Variants in MED1 observed in about 807,000 individuals in gnomAD.
The protein encoded by MED1 is mediator of RNA polymerase II transcription subunit 1.
A neutral mutation model predicts 121.3 loss-of-function variants in MED1; 17 were observed. That is an observed-to-expected ratio of 0.14 (90% CI 0.10 to 0.21). The LOEUF (loss-of-function observed/expected upper bound fraction) is 0.21, where lower values mean the gene tolerates loss of function less well. MED1 is among the 10% of genes least tolerant of loss of function. MED1 has a pLI of 1.00. For missense variants in MED1, 1,558 were observed against 1,919.4 expected, an observed-to-expected ratio of 0.81 and a Z score of 3.52; for synonymous variants, 661 against 694.4, an observed-to-expected ratio of 0.95 and a Z score of 0.76.
chr17:39,443,703 C>A, intron 2 of MED1, 75 bp from the exon 3 acceptor site: 1 of 1,191,558 alleles, frequency 8.4e-7, no homozygotes. Context: ...TACACATTAT[C>A]CTAGTAGTAA....
At chr17:39,424,528 T>G in intron 11 of MED1, 99 bp downstream of exon 11, 1 of 732,490 alleles carries the variant, frequency 1.4e-6, no homozygotes. Context: ...AAGGCCAACC[T>G]CTAGAAATTC....
chr17:39,410,026 G>A lies in MED1; in HGVS notation c.2195C>T (p.Thr732Met), dbSNP rs1181801639. The A allele has an allele frequency of 3.7e-6, 6 of 1,614,138 alleles. No homozygotes were observed. Among genetic ancestry groups the A allele is most frequent in the African/African-American group, 1.3e-5 (1 of 75,020 alleles). Residue 732 changes from threonine to methionine, a missense_variant, in exon 17 of 17, where the codon ACG (threonine) becomes ATG (methionine). Thr to Met is a moderately conservative substitution (Grantham distance 81). This residue lies in a region of MED1 where 793 missense variants were observed against 898.2 expected (regional missense o/e 0.88). Transcript: ENST00000300651. ...PIFDVNMTAD[T>M]LDTPHITPAP... Reference sequence around the variant, plus strand: ...TGGAGTGATGTGTGGCGTATCCAGCGTGTCAGCTGTCATGTTGACATCAAA... The same window carrying A: ...TGGAGTGATGTGTGGCGTATCCAGCATGTCAGCTGTCATGTTGACATCAAA...
rs1462770798 is a variant in MED1 at position 39,427,712 on chromosome 17, T to G, written c.728A>C (p.His243Pro). 1 of 1,594,094 alleles carries G rather than the reference T, an allele frequency of 6.3e-7. No individual in the cohort carries two copies. The highest frequency in any genetic ancestry group is 1.7e-5 in the Admixed American group (1 of 59,808). ...DDKTASPIIL[H>P]ENNVSRSLGM... ...AATTAAAGTCTTACCATTATTCTCA[T>G]GCAAAATGATGGGAGATGCAGTCTT... Residue 243 changes from histidine (H) to proline (P), a missense_variant, in exon 10 of 17, where the codon CAT (histidine) becomes CCT (proline). This residue lies in a region of MED1 where 443 missense variants were observed against 532.4 expected (regional missense o/e 0.83). Coordinates refer to ENST00000300651, the MANE Select transcript of MED1 (RefSeq NM_004774.4).
rs897331094 is a variant in MED1, at chr17:39,440,557, A to C, written c.267-39T>G. The stretch of plus-strand genomic sequence containing the variant: ...ATCAAAACAAAAATTAATAGAAGAC[A>C]CATAAATAAAGCCACCCAAAGTTAA... On this transcript the variant is annotated intron_variant, in intron 4 of 16. Coordinates refer to ENST00000300651, the MANE Select transcript of MED1 (RefSeq NM_004774.4). The surrounding 1 kb of genome is among the most constrained non-coding windows in gnomAD (Gnocchi z 4.1). The C allele has an allele frequency of 6.2e-7, 1 of 1,612,298 alleles. No individual in the cohort carries two copies.
chr17:39,429,406 C>A (rs1481007851), intron 9 of MED1, among the ~76,000 whole-genome samples: 1 of 150,968 alleles, frequency 6.6e-6, no homozygotes, highest in Non-Finnish European at 1.5e-5. Flanking sequence ...TAGAAATCAT[C>A]GCAAAAAGCC....
chr17:39,419,941 G>T, intron 13 of MED1, 23 bp from the exon 14 acceptor site: 1 of 1,604,408 alleles, frequency 6.2e-7, no homozygotes, highest in Non-Finnish European at 8.5e-7. Flanking sequence ...AACAGTTAAC[G>T]AGTGCTATTT....
intron 6 of MED1, among the ~76,000 whole-genome samples, chr17:39,436,360 C>T (rs1218620658): frequency 2.9e-5 from 2 of 68,346 alleles, no homozygotes; most frequent in Non-Finnish European, 5.6e-5. Context: ...GACTCCAACT[C>T]AAAAAAAAGA....
chr17:39,408,039 G>T lies in MED1; in HGVS notation c.4182C>A (p.Ile1394=). The change falls in exon 17 of 17, where the codon ATC becomes ATA. Residue 1394 remains isoleucine, a synonymous_variant. Coordinates refer to ENST00000300651, the MANE Select transcript of MED1 (RefSeq NM_004774.4). The surrounding 1 kb of genome is among the most constrained non-coding windows in gnomAD (Gnocchi z 4.7). ...TAGGGGAGCCTCCATCATGCTTACTGATGATAATTTTTGCCACACCTGTGC... is the reference window on the plus strand; with the variant it reads ...TAGGGGAGCCTCCATCATGCTTACTTATGATAATTTTTGCCACACCTGTGC... ...VGSTGVAKII[I]SKHDGGSPSI... 6.2e-7 allele frequency: 1 copy of T among 1,614,144 alleles called. No individual in the cohort carries two copies. The highest frequency in any genetic ancestry group is 8.5e-7 in the Non-Finnish European group (1 of 1,180,030).
At chr17:39,442,527 G>A (rs2048687302) in intron 3 of MED1, among the ~76,000 whole-genome samples, 1 of 149,996 alleles carries the variant, frequency 6.7e-6, no homozygotes, top group Non-Finnish European at 1.5e-5. Context: ...AACCCAGGAG[G>A]TGGAGGTTGC....
intron 10 of MED1, among the ~76,000 whole-genome samples, chr17:39,427,287 T>C (rs2048523523): frequency 6.6e-6 from 1 of 152,116 alleles, no homozygotes; most frequent in African/African-American, 2.4e-5. Context: ...GTTCAAGCAA[T>C]TCTCTTGCCT....
chr17:39,435,574 A>G (rs2048610478), intron 6 of MED1, among the ~76,000 whole-genome samples: 1 of 152,050 alleles, frequency 6.6e-6, no homozygotes, highest in South Asian at 2.1e-4. Context: ...CTGAGCACTT[A>G]CAGTCAACAG....
At position 39,443,735 on chromosome 17, in the gene MED1, C is replaced by T. The variant is rs1597874599; in HGVS notation, c.133-107G>A. 4.8e-6 allele frequency: 4 copies of T among 839,398 alleles called. No homozygotes were observed. In the East Asian group the frequency reaches 7.5e-5, roughly 16 times the overall value. The allele number at this position is 839,398 out of a possible 1,614,324, so 52.0% of individuals were successfully genotyped here. ...GTAATATTGCAGGACAGTCTATAGA[C>T]TCAATATAGTCTATAGATTTTGTAG... On this transcript the variant is annotated intron_variant, in intron 2 of 16. Coordinates refer to ENST00000300651, the MANE Select transcript of MED1 (RefSeq NM_004774.4).
chr17:39,423,239 T>C, intron 13 of MED1, 88 bp downstream of exon 13: 2 of 962,098 alleles, frequency 2.1e-6, no homozygotes, highest in Non-Finnish European at 3.3e-6. Flanking sequence ...AAGAAACTTA[T>C]CTGACCTCAA....
rs2048328894 is a variant in MED1 at position 39,408,867 on chromosome 17, T to C, written c.3354A>G (p.Lys1118=). 6.2e-7 allele frequency: 1 copy of C among 1,614,010 alleles called. No homozygotes were observed. Among genetic ancestry groups the C allele is most frequent in the Admixed American group, 1.7e-5 (1 of 60,008 alleles). The part of the protein sequence containing the change: ...ASTSGKMKSS[K]SEGSSSSKLS... ...ACTTGGAACTTGATGAACCTTCTGATTTACTGCTTTTCATCTTCCCTGAGG... is the reference window on the plus strand; with the variant it reads ...ACTTGGAACTTGATGAACCTTCTGACTTACTGCTTTTCATCTTCCCTGAGG... The change falls in exon 17 of 17, where the codon AAA becomes AAG. Residue 1118 remains lysine, a synonymous_variant. Transcript: ENST00000300651. This position sits in a 1 kb window ranked among gnomAD's most constrained non-coding sequence, Gnocchi z 4.7.
chr17:39,440,442 C>A lies in MED1; in HGVS notation c.343G>T (p.Asp115Tyr), dbSNP rs930350494. ...SDMFYVEVQL[D>Y]PAGQLCDVKV... is the part of the protein sequence containing the mutation. ...ACATCACAAAGCTGTCCTGCAGGAT[C>A]TAACTGCACTTCCACATAGAACATA... is the stretch of plus-strand genomic sequence containing the variant. Residue 115 changes from aspartate (D) to tyrosine (Y), a missense_variant, in exon 5 of 17, where the codon GAT becomes TAT. Coordinates refer to ENST00000300651, the MANE Select transcript of MED1 (RefSeq NM_004774.4). This position sits in a 1 kb window ranked among gnomAD's most constrained non-coding sequence, Gnocchi z 4.1. The A allele has an allele frequency of 6.3e-7, 1 of 1,594,900 alleles. No homozygotes were observed. The highest frequency in any genetic ancestry group is 1.9e-5 in the Admixed American group (1 of 52,954).
chr17:39,436,247 G>A (rs2048617436), intron 6 of MED1, among the ~76,000 whole-genome samples: 1 of 151,682 alleles, frequency 6.6e-6, no homozygotes, highest in Non-Finnish European at 1.5e-5. Context: ...TGTAGTCCCA[G>A]CTACTCGGGA....
chr17:39,427,157 G>C (rs1047651316), intron 10 of MED1, among the ~76,000 whole-genome samples: 1 of 151,928 alleles, frequency 6.6e-6, no homozygotes, highest in Admixed American at 6.6e-5. Context: ...CTTATGAGTT[G>C]CTCATTTACT....
rs183058800 is a variant in MED1 at position 39,433,182 on chromosome 17, G to A, written c.500+1067C>T. Among the ~76,000 whole-genome samples the A allele has an allele frequency of 2.8e-3, 428 of 151,950 alleles. 2 individuals carry two copies. Among genetic ancestry groups the A allele is most frequent in the African/African-American group, 9.8e-3 (406 of 41,454 alleles). On this transcript the variant is annotated intron_variant, in intron 7 of 16. Transcript: ENST00000300651. Reference sequence around the variant, plus strand: ...GGCACCACTGTACTGCAGCCTGGGCGACAGAGCAAGAGTCCATCTCAAAAA... The same window carrying A: ...GGCACCACTGTACTGCAGCCTGGGCAACAGAGCAAGAGTCCATCTCAAAAA...
In MED1 at chr17:39,405,504, C is replaced by T; in HGVS notation, c.*1971G>A. 7.2e-7 allele frequency: 1 copy of T among 1,392,032 alleles called. No individual in the cohort carries two copies. The highest frequency in any genetic ancestry group is 1.7e-5 in the South Asian group (1 of 59,020). 86.2% of individuals were successfully genotyped at this position (1,392,032 alleles called of 1,614,324 possible). A position where few individuals can be genotyped will look rare whatever the true frequency, so the allele number is the denominator to read the frequency against. ...GAAACCAACGGGATAGGATTCAAAA[C>T]TAGGTGACAAACTCATGAGAAATCC... On this transcript the variant is annotated 3_prime_UTR_variant, in exon 17 of 17. Coordinates refer to ENST00000300651, the MANE Select transcript of MED1 (RefSeq NM_004774.4).
Sources: gnomAD v4.1 joint callset for allele counts (sites outside exome capture counted in the v4.1 genomes callset) on GRCh38, gnomAD v4.1.1 for gene constraint, gnomAD v4.1.1 regional missense constraint, Gnocchi (gnomAD v3.1) non-coding constraint, MANE v1.5 for transcripts, NCBI Gene and HGNC (gene_info 2026-07-23, HGNC 2026-07-21) for gene names.